The following GRAMD1B variants were observed in gnomAD, a reference collection of about 807,000 sequenced individuals.
GRAMD1B encodes the protein protein Aster-B.
GRAMD1B carries 37 observed loss-of-function variants against 99.7 expected under a neutral mutation model. The ratio of observed to expected loss-of-function variants is 0.37; its 90% confidence interval spans 0.29 to 0.49. The LOEUF (loss-of-function observed/expected upper bound fraction) is 0.49, where lower values mean the gene tolerates loss of function less well. GRAMD1B is among the 20% of genes least tolerant of loss of function. The pLI is 0.98. For missense variants in GRAMD1B, 888 were observed against 1,009.2 expected, an observed-to-expected ratio of 0.88 and a Z score of 1.63; for synonymous variants, 427 against 387.6, an observed-to-expected ratio of 1.10 and a Z score of -1.19.
intron 1 of GRAMD1B, among the ~76,000 whole-genome samples, chr11:123,420,964 A>G (rs977691623): frequency 6.6e-6 from 1 of 152,256 alleles, no homozygotes; most frequent in African/African-American, 2.4e-5. Context: ...AAACATTTCT[A>G]ATCTATACCT....
chr11:123,514,803 C>T (rs1941516734), intron 2 of GRAMD1B, among the ~76,000 whole-genome samples: 4 of 152,170 alleles, frequency 2.6e-5, no homozygotes. Flanking sequence ...ATAATTGCCT[C>T]ATTTTGCTCC....
In GRAMD1B at chr11:123,618,711, C is replaced by G. The variant is rs746558109; in HGVS notation, c.2337C>G (p.Ile779Met). ...VISCVLVLLV[I>M]LNMMLFYKLW... ...TTCCTAGTCTGGTGCTGCTGGTCAT[C>G]CTTAACATGATGCTCTTCTACAAAC... The change falls in exon 18 of 20, where the codon ATC becomes ATG. Residue 779 changes from isoleucine (I) to methionine (M), a missense_variant. Physicochemically the swap from Ile to Met is conservative, Grantham distance 10. Around this residue, in one of 5 missense-constraint regions of GRAMD1B, gnomAD observed 232 missense variants for 261.7 expected, o/e 0.89. Transcript: ENST00000635736. 2 of 1,579,302 alleles carry G rather than the reference C, an allele frequency of 1.3e-6. No homozygotes were observed. The highest frequency in any genetic ancestry group is 2.3e-5 in the South Asian group (2 of 86,926).
At chr11:123,528,850 T>C (rs1034510919) in intron 2 of GRAMD1B, among the ~76,000 whole-genome samples, 1 of 152,184 alleles carries the variant, frequency 6.6e-6, no homozygotes, top group African/African-American at 2.4e-5. Flanking sequence ...CACAGAGTGG[T>C]AAAGTGAGAT....
chr11:123,392,294 C>A (rs1161646365), intron 1 of GRAMD1B, among the ~76,000 whole-genome samples: 1 of 151,696 alleles, frequency 6.6e-6, no homozygotes, highest in African/African-American at 2.4e-5. Flanking sequence ...AGGTTTTTCT[C>A]CTATTTCTCC....
intron 1 of GRAMD1B, among the ~76,000 whole-genome samples, chr11:123,409,596 G>A (rs1257723846): frequency 6.6e-6 from 1 of 152,076 alleles, no homozygotes; most frequent in Non-Finnish European, 1.5e-5. Flanking sequence ...TTTAAAATGT[G>A]CCCACCATCC....
In GRAMD1B at chr11:123,591,392, G is replaced by A; in HGVS notation, c.685-2690G>A. On this transcript the variant is annotated intron_variant, in intron 4 of 19. Coordinates refer to ENST00000635736, the MANE Select transcript of GRAMD1B (RefSeq NM_001387025.1). This position sits in a 1 kb window ranked among gnomAD's most constrained non-coding sequence, Gnocchi z 4.7. ...TCGTTGGGAGGGGCAGCCGTGCTGG[G>A]CAATGGAATCACTGACGGAGTCGGG... The A allele has an allele frequency of 2.5e-6, 1 of 399,208 alleles. No homozygotes were observed. The highest frequency in any genetic ancestry group is 4.4e-6 in the Non-Finnish European group (1 of 226,178). 24.7% of individuals were successfully genotyped at this position (399,208 alleles called of 1,614,324 possible).
chr11:123,599,401 G>A (rs1390082620), intron 7 of GRAMD1B: 1 of 673,820 alleles, frequency 1.5e-6, no homozygotes, highest in African/African-American at 1.8e-5. Context: ...ACATCCATGA[G>A]CCATTCCTTC....
At chr11:123,479,126 G>T (rs554261134) in intron 1 of GRAMD1B, among the ~76,000 whole-genome samples, 222 of 152,318 alleles carry the variant, frequency 1.5e-3, no homozygotes, top group African/African-American at 5.2e-3. Context: ...GCATGGAAGG[G>T]AAGGAGAAAG....
At chr11:123,369,379 T>C (rs989778655) in intron 1 of GRAMD1B, among the ~76,000 whole-genome samples, 4 of 151,880 alleles carry the variant, frequency 2.6e-5, no homozygotes, top group East Asian at 3.9e-4. Context: ...GTTGCAAATA[T>C]AGAAAGAAGA....
At chr11:123,532,900 A>G (rs941167395) in intron 2 of GRAMD1B, among the ~76,000 whole-genome samples, 3 of 152,238 alleles carry the variant, frequency 2.0e-5, no homozygotes, top group Non-Finnish European at 4.4e-5. Context: ...AACATTTATT[A>G]TCGAGCCCTT....
intron 2 of GRAMD1B, among the ~76,000 whole-genome samples, chr11:123,534,700 T>G (rs1050649931): frequency 6.6e-6 from 1 of 151,844 alleles, no homozygotes; most frequent in Non-Finnish European, 1.5e-5. Context: ...CTGTCTCTAC[T>G]AAAAATAAAA....
chr11:123,450,923 A>T (rs1402004226), intron 1 of GRAMD1B, among the ~76,000 whole-genome samples: 1 of 152,146 alleles, frequency 6.6e-6, no homozygotes, highest in Non-Finnish European at 1.5e-5. Flanking sequence ...GCCCTTTATT[A>T]TCCAGTGTAA....
At chr11:123,595,067 A>G (rs2136576206) in intron 6 of GRAMD1B, among the ~76,000 whole-genome samples, 1 of 151,820 alleles carries the variant, frequency 6.6e-6, no homozygotes, top group African/African-American at 2.4e-5. Context: ...GAGGACTGGG[A>G]ACATTTGCTT....
Position 123,584,316 on chromosome 11 carries a change from G to A in GRAMD1B, c.668G>A (p.Ser223Asn). Reference protein sequence around the residue: ...GRSGGKNSKKSQSWYNVLSPT... With the variant: ...GRSGGKNSKKNQSWYNVLSPT... ...TCTTTCATTTTCTCTTTTCAGAAAA[G>A]CCAGAGTTGGTATAATGTAAGTATT... The change falls in exon 4 of 20, where the codon AGC becomes AAC. Residue 223 changes from serine (S) to asparagine (N), a missense_variant. Around this residue, in one of 5 missense-constraint regions of GRAMD1B, gnomAD observed 62 missense variants for 139.4 expected, o/e 0.44. Coordinates refer to ENST00000635736, the MANE Select transcript of GRAMD1B (RefSeq NM_001387025.1). The A allele has an allele frequency of 1.5e-6, 2 of 1,372,550 alleles. No individual in the cohort carries two copies. The highest frequency in any genetic ancestry group is 2.0e-6 in the Non-Finnish European group (2 of 1,006,308). The allele number at this position is 1,372,550 out of a possible 1,614,324, so 85.0% of individuals were successfully genotyped here. A position where few individuals can be genotyped will look rare whatever the true frequency, so the allele number is the denominator to read the frequency against.
intron 1 of GRAMD1B, among the ~76,000 whole-genome samples, chr11:123,377,586 A>G (rs1946731507): frequency 6.6e-6 from 1 of 152,152 alleles, no homozygotes. Context: ...GGCCGGCTGG[A>G]AGGGAAAGGG....
intron 2 of GRAMD1B, among the ~76,000 whole-genome samples, chr11:123,497,826 G>A (rs755448436): frequency 6.6e-5 from 10 of 150,680 alleles, no homozygotes; most frequent in Admixed American, 2.0e-4. Flanking sequence ...GCTTGAACCC[G>A]GGAGGCAGAG....
rs1458568671 is a variant in GRAMD1B, at chr11:123,394,913, C to A, written c.-176+36114C>A. Among the ~76,000 whole-genome samples the A allele has an allele frequency of 2.6e-5, 4 of 152,098 alleles. No homozygotes were observed. The East Asian group carries it at 7.7e-4, about 29-fold the overall frequency. On this transcript the variant is annotated intron_variant, in intron 1 of 20. Coordinates refer to the GRAMD1B transcript ENST00000638157. ...TCACTTGACAGAAGAGTGGAAGAGA[C>A]AAAAAAGAGAACAAGAGAGGGCCAA...
chr11:123,613,618 C>G lies in GRAMD1B; in HGVS notation c.2187C>G (p.Pro729=), dbSNP rs986630156. 2 of 1,613,900 alleles carry G rather than the reference C, an allele frequency of 1.2e-6. No homozygotes were observed. The highest frequency in any genetic ancestry group is 2.7e-5 in the African/African-American group (2 of 75,046). ...LEEVMSPVTT[P]TDEDVGHRIK... ...AGGTGATGAGCCCGGTCACCACGCCCACAGATGAGGATGTGGGCCACAGGA... is the reference window on the plus strand; with the variant it reads ...AGGTGATGAGCCCGGTCACCACGCCGACAGATGAGGATGTGGGCCACAGGA... Residue 729 remains proline (P), a synonymous_variant, in exon 16 of 20, where the codon CCC becomes CCG. Coordinates refer to ENST00000635736, the MANE Select transcript of GRAMD1B (RefSeq NM_001387025.1).
At chr11:123,437,263 T>C (rs1025377224) in intron 1 of GRAMD1B, among the ~76,000 whole-genome samples, 2 of 152,170 alleles carry the variant, frequency 1.3e-5, no homozygotes, top group African/African-American at 4.8e-5. Flanking sequence ...TCTTTCTAAC[T>C]TCCTTGCCCA....
Sources: allele counts gnomAD v4.1 joint callset (sites outside exome capture counted in the v4.1 genomes callset), GRCh38; gene constraint gnomAD v4.1.1; regional missense constraint gnomAD v4.1.1; non-coding constraint Gnocchi (gnomAD v3.1); transcripts MANE v1.5; gene names NCBI Gene and HGNC (gene_info 2026-07-23, HGNC 2026-07-21).